FSTL4: variants seen among roughly 807,000 people sequenced by gnomAD.
FSTL4 encodes follistatin like 4, also known as follistatin-related protein 4.
Under a neutral mutation model 78.2 loss-of-function variants are expected in FSTL4, and 28 were observed. The observed-to-expected ratio is 0.36, with a 90% CI of 0.27 to 0.49. The LOEUF is 0.49. FSTL4 is among the 20% of genes least tolerant of loss of function. The pLI is 0.98. For synonymous variants in FSTL4, 422 were observed against 440.5 expected, an observed-to-expected ratio of 0.96 and a Z score of 0.53; for missense variants, 922 against 1,084.9, an observed-to-expected ratio of 0.85 and a Z score of 2.11.
chr5:133,708,697 C>G, the FSTL4 span, among the ~76,000 whole-genome samples: 8 of 152,244 alleles, frequency 5.3e-5, no homozygotes, highest in Non-Finnish European at 8.8e-5. Context: ...ACATTACCTT[C>G]CCCTCTGGTT....
chr5:133,448,750 G>GC (rs1309716978), intron 3 of FSTL4, among the ~76,000 whole-genome samples: 1 of 134,062 alleles, frequency 7.5e-6, no homozygotes, highest in Non-Finnish European at 1.6e-5. Context: ...GGGGGGGGGG[G>GC]GCGCTCAGAA....
chr5:133,206,706 CCTTT>C (rs1296360886), intron 14 of FSTL4, among the ~76,000 whole-genome samples: 1 of 151,878 alleles, frequency 6.6e-6, no homozygotes, highest in East Asian at 1.9e-4. Flanking sequence ...AATAAAATTC[CCTTT>C]CTCATTCCTC....
At chr5:133,636,405 G>A in the FSTL4 span, among the ~76,000 whole-genome samples, 2 of 151,104 alleles carry the variant, frequency 1.3e-5, no homozygotes, top group African/African-American at 4.9e-5. Flanking sequence ...TGAGGACATA[G>A]GCAGGGTCTT....
chr5:133,814,589 T>C, the FSTL4 span, among the ~76,000 whole-genome samples: 16 of 152,120 alleles, frequency 1.1e-4, no homozygotes, highest in Admixed American at 1.0e-3. Flanking sequence ...TCAGATGACT[T>C]AGTGGACCAG....
chr5:133,536,305 G>A lies in FSTL4; in HGVS notation c.160+30881C>T, dbSNP rs149093910. 2.6e-4 allele frequency among the ~76,000 whole-genome samples: 40 copies of A among 152,146 alleles called. No individual in the cohort carries two copies. The East Asian group carries it at 4.4e-3, about 17-fold the overall frequency. ...TTTATCTCATTTATTTATTTATTCA[G>A]ATTAGAAACTGGAAACCTACAGTAC... On this transcript the variant is annotated intron_variant, in intron 3 of 15. Coordinates refer to ENST00000265342, the MANE Select transcript of FSTL4 (RefSeq NM_015082.2).
chr5:133,770,722 T>C, the FSTL4 span, among the ~76,000 whole-genome samples: 3 of 152,286 alleles, frequency 2.0e-5, no homozygotes, highest in African/African-American at 7.2e-5. Context: ...TTTAGTTTAA[T>C]TACATCTTCT....
intron 3 of FSTL4, among the ~76,000 whole-genome samples, chr5:133,493,850 G>A (rs993946796): frequency 5.3e-5 from 8 of 152,274 alleles, no homozygotes; most frequent in African/African-American, 1.2e-4. Context: ...GAATGGAGGG[G>A]TCCAGGGTCA....
chr5:133,371,757 G>T (rs1755307359), intron 4 of FSTL4, among the ~76,000 whole-genome samples: 1 of 152,222 alleles, frequency 6.6e-6, no homozygotes, highest in Non-Finnish European at 1.5e-5. Context: ...CATCATTAAA[G>T]AAACTGATTT....
intron 6 of FSTL4, among the ~76,000 whole-genome samples, chr5:133,310,571 A>G (rs530667074): frequency 6.6e-6 from 1 of 152,332 alleles, no homozygotes; most frequent in East Asian, 1.9e-4. Flanking sequence ...GTGCTCATAA[A>G]GCAGAGGCTG....
intron 2 of FSTL4, among the ~76,000 whole-genome samples, chr5:133,600,200 T>G (rs750299516): frequency 2.1e-4 from 32 of 152,172 alleles, no homozygotes; most frequent in Non-Finnish European, 4.1e-4. Flanking sequence ...ACATAAGATA[T>G]TCAATATTTT....
intron 2 of FSTL4, among the ~76,000 whole-genome samples, chr5:133,576,047 T>C (rs908812799): frequency 6.6e-6 from 1 of 152,202 alleles, no homozygotes; most frequent in African/African-American, 2.4e-5. Context: ...AAATTACCAT[T>C]CTATAAAGCT....
At chr5:133,665,693 T>C in the FSTL4 span, among the ~76,000 whole-genome samples, 2 of 152,206 alleles carry the variant, frequency 1.3e-5, no homozygotes, top group East Asian at 3.8e-4. Context: ...AAGCCTATTC[T>C]AGAAGCAAAG....
At chr5:133,242,648 G>A (rs1308941934) in intron 7 of FSTL4, among the ~76,000 whole-genome samples, 2 of 152,136 alleles carry the variant, frequency 1.3e-5, no homozygotes, top group Non-Finnish European at 2.9e-5. Context: ...CCACAGGCTG[G>A]AGTACCATAG....
At chr5:133,250,616 G>A (rs1483744842) in intron 6 of FSTL4, among the ~76,000 whole-genome samples, 3 of 152,258 alleles carry the variant, frequency 2.0e-5, no homozygotes, top group Non-Finnish European at 2.9e-5. Context: ...GCTATTCTGC[G>A]GGACGCTTGT....
chr5:133,615,355 C>T (rs142493193), upstream of FSTL4, among the ~76,000 whole-genome samples: 61 of 152,362 alleles, frequency 4.0e-4, no homozygotes, highest in African/African-American at 1.4e-3. Context: ...ATGCAGTTTA[C>T]TGAAGAGCCA....
chr5:133,483,608 G>A (rs1758072284), intron 3 of FSTL4, among the ~76,000 whole-genome samples: 1 of 152,206 alleles, frequency 6.6e-6, no homozygotes, highest in Admixed American at 6.5e-5. Flanking sequence ...ATTTAGCCTG[G>A]AGGCCAAGGC....
the FSTL4 span, among the ~76,000 whole-genome samples, chr5:133,785,694 T>C: frequency 1.3e-5 from 2 of 152,110 alleles, no homozygotes; most frequent in African/African-American, 2.4e-5. Context: ...GGGCCCTCAG[T>C]GGAGAACAGA....
At chr5:133,829,590 GCTTT>G in the FSTL4 span, among the ~76,000 whole-genome samples, 1 of 152,194 alleles carries the variant, frequency 6.6e-6, no homozygotes, top group Non-Finnish European at 1.5e-5. Flanking sequence ...GCTGACAGGT[GCTTT>G]CCTTGTGTTG....
At chr5:133,642,554 G>A in the FSTL4 span, among the ~76,000 whole-genome samples, 5 of 152,014 alleles carry the variant, frequency 3.3e-5, no homozygotes, top group Admixed American at 1.3e-4. Context: ...TCTGTACACC[G>A]CCCATGGAGA....
Sources: allele counts gnomAD v4.1 joint callset (sites outside exome capture counted in the v4.1 genomes callset), GRCh38; gene constraint gnomAD v4.1.1; transcripts MANE v1.5; gene names NCBI Gene and HGNC (gene_info 2026-07-23, HGNC 2026-07-21).